SFPQ: variants seen among roughly 807,000 people sequenced by gnomAD.
SFPQ encodes splicing factor proline and glutamine rich, also known as splicing factor, proline- and glutamine-rich.
A neutral mutation model predicts 72.9 loss-of-function variants in SFPQ; 11 were observed. The ratio of observed to expected loss-of-function variants is 0.15; its 90% confidence interval spans 0.09 to 0.25. The LOEUF is 0.25. Ranked by LOEUF, SFPQ falls within the 10% of genes least tolerant of loss-of-function variation. The probability of loss-of-function intolerance (pLI) is 1.00; values close to 1 mark genes in which losing one functional copy is unlikely to be tolerated. For synonymous variants in SFPQ, 506 were observed against 367.3 expected (o/e 1.38, Z -4.32); for missense variants, 847 against 993.3 (o/e 0.85, Z 1.98).
Position 35,183,566 on chromosome 1 carries a change from C to T in SFPQ, c.*890G>A. On this transcript the variant is annotated 3_prime_UTR_variant, in exon 10 of 10. Coordinates refer to ENST00000357214, the MANE Select transcript of SFPQ (RefSeq NM_005066.3). The stretch of plus-strand genomic sequence containing the variant: ...AAGTTTTGTTTTTTAGACTACACCC[C>T]ATCTTTATAAATCACTTGAATACAT... 1 of 1,019,444 alleles carries T rather than the reference C, an allele frequency of 9.8e-7. No individual in the cohort carries two copies. Among genetic ancestry groups the T allele is most frequent in the Non-Finnish European group, 1.2e-6 (1 of 849,922 alleles). 63.1% of individuals were successfully genotyped at this position (1,019,444 alleles called of 1,614,324 possible). A position where few individuals can be genotyped will look rare whatever the true frequency, so the allele number is the denominator to read the frequency against.
chr1:35,189,310 A>C lies in SFPQ; in HGVS notation c.1488T>G (p.Ser496=). ...FEYEYSQRWK[S]LDEMEKQQRE... is the part of the protein sequence containing the mutation. Reference sequence around the variant, plus strand: ...TTTGCTGTTTTTCCATTTCATCCAAAGACTTCCATCGCTGAGAATATTCGT... The same window carrying C: ...TTTGCTGTTTTTCCATTTCATCCAACGACTTCCATCGCTGAGAATATTCGT... The change falls in exon 5 of 10, where the codon TCT becomes TCG. Residue 496 remains serine (S), a synonymous_variant. Transcript: ENST00000357214. 6.2e-7 allele frequency: 1 copy of C among 1,614,074 alleles called. No individual in the cohort carries two copies. Among genetic ancestry groups the C allele is most frequent in the Non-Finnish European group, 8.5e-7 (1 of 1,180,008 alleles).
At chr1:35,182,220 C>G, downstream of SFPQ, 2 of 985,360 alleles carry the variant, frequency 2.0e-6, no homozygotes, top group Non-Finnish European at 2.4e-6. Context: ...ATGGAACACC[C>G]CTTATTTTCT....
rs906009547 is a variant in SFPQ, at chr1:35,183,176, G to C, written c.*1280C>G. On this transcript the variant is annotated 3_prime_UTR_variant, in exon 10 of 10. Coordinates refer to ENST00000357214, the MANE Select transcript of SFPQ (RefSeq NM_005066.3). ...AGAAGTAGCACAAGGAGATGTAAAA[G>C]TTACAGAGTACAAATGTATATATAA... 7.9e-6 allele frequency: 8 copies of C among 1,016,790 alleles called. No homozygotes were observed. In the East Asian group the frequency reaches 3.3e-4, roughly 42 times the overall value. 63.0% of individuals were successfully genotyped at this position (1,016,790 alleles called of 1,614,324 possible).
chr1:35,192,681 G>A lies in SFPQ; in HGVS notation c.369C>T (p.Ser123=). Residue 123 remains serine, a synonymous_variant, in exon 1 of 10, where the codon AGC becomes AGT. Transcript: ENST00000357214. ...GGGCCGAGCTGGAGGCTGGTGGTGC[G>A]CTGCCTACTCCGGGAGCGGGGCCGG... The part of the protein sequence containing the change: ...QGPGPAPGVG[S]APPASSSAPP... 1.4e-6 allele frequency: 2 copies of A among 1,419,354 alleles called. No individual in the cohort carries two copies. The highest frequency in any genetic ancestry group is 3.0e-5 in the Admixed American group (1 of 33,512). 87.9% of individuals were successfully genotyped at this position (1,419,354 alleles called of 1,614,324 possible).
Position 35,187,031 on chromosome 1 carries a change from G to A in SFPQ, c.1956C>T (p.Thr652=). The A allele has an allele frequency of 1.2e-6, 2 of 1,614,028 alleles. No individual in the cohort carries two copies. The highest frequency in any genetic ancestry group is 1.7e-6 in the Non-Finnish European group (2 of 1,179,920). ...CACTTCCCATCATGGAACCACTCAT[G>A]GTTGCTGGTGGAACGCCAGGATTAG... The part of the protein sequence containing the change: ...YEANPGVPPA[T]MSGSMMGSDM... Residue 652 remains threonine, a synonymous_variant, in exon 9 of 10, where the codon ACC becomes ACT. Coordinates refer to ENST00000357214, the MANE Select transcript of SFPQ (RefSeq NM_005066.3).
rs768372213 is a variant in SFPQ at position 35,192,751 on chromosome 1, GGCGGCT to G, written c.293_298del (p.Gln98_Pro99del). ...CTTGGAAGAGTCCTGCGGCGGTGGC[GGCGGCT>G]GCTGCTGCTGATGCGGCTGTGGATG... On this transcript the variant is annotated inframe_deletion, in exon 1 of 10. Coordinates refer to ENST00000357214, the MANE Select transcript of SFPQ (RefSeq NM_005066.3). 6.0e-6 allele frequency: 9 copies of G among 1,494,006 alleles called. No individual in the cohort carries two copies. The African/African-American group carries it at 8.7e-5, about 14-fold the overall frequency. 92.5% of individuals were successfully genotyped at this position (1,494,006 alleles called of 1,614,324 possible). A position where few individuals can be genotyped will look rare whatever the true frequency, so the allele number is the denominator to read the frequency against.
Position 35,192,282 on chromosome 1 carries a change from G to GTGATGC in SFPQ, c.762_767dup (p.Gln254_His255dup). ...CGGGCCCGCCGGGCGGGGGCCCCTG[G>GTGATGC]TGATGCTGCTGGTGGTAGGGCGGGT... On this transcript the variant is annotated inframe_insertion, in exon 1 of 10. Transcript: ENST00000357214. The GTGATGC allele has an allele frequency of 6.8e-7, 1 of 1,463,002 alleles. No individual in the cohort carries two copies. The highest frequency in any genetic ancestry group is 9.0e-7 in the Non-Finnish European group (1 of 1,115,412). 90.6% of individuals were successfully genotyped at this position (1,463,002 alleles called of 1,614,324 possible).
rs1557793518 is a variant in SFPQ at position 35,184,840 on chromosome 1, T to G, written c.1987-247A>C. Reference sequence around the variant, plus strand: ...TGTTTCAAAGAACAGATCTTCCCTGTAGTGCTAAAAAATTTAAGAATTAGT... The same window carrying G: ...TGTTTCAAAGAACAGATCTTCCCTGGAGTGCTAAAAAATTTAAGAATTAGT... On this transcript the variant is annotated intron_variant, in intron 9 of 9. Transcript: ENST00000357214. 2.0e-5 allele frequency among the ~76,000 whole-genome samples: 3 copies of G among 152,232 alleles called. 1 individual carries two copies. The highest frequency in any genetic ancestry group is 4.1e-4 in the South Asian group (2 of 4,830).
Position 35,184,350 on chromosome 1 carries a change from T to A in SFPQ, c.*106A>T. ...TACAAATATTAGGTCAATAAACTGCTAACATCCATAAAAAGATAGCTTTCT... is the reference window on the plus strand; with the variant it reads ...TACAAATATTAGGTCAATAAACTGCAAACATCCATAAAAAGATAGCTTTCT... On this transcript the variant is annotated 3_prime_UTR_variant, in exon 10 of 10. Transcript: ENST00000357214. 1 of 1,553,694 alleles carries A rather than the reference T, an allele frequency of 6.4e-7. No individual in the cohort carries two copies. The highest frequency in any genetic ancestry group is 2.3e-5 in the Admixed American group (1 of 44,342).
downstream of SFPQ, chr1:35,180,429 CGAT>C (rs1196658737): frequency 9.5e-7 from 1 of 1,047,578 alleles, no homozygotes; most frequent in African/African-American, 1.7e-5. Flanking sequence ...ACAGAAACGA[CGAT>C]GTCTTATGAT....
Position 35,192,768 on chromosome 1 carries a change from A to C in SFPQ, c.282T>G (p.His94Gln), listed in dbSNP as rs777508943. The C allele has an allele frequency of 4.7e-6, 7 of 1,500,414 alleles. No individual in the cohort carries two copies. The highest frequency in any genetic ancestry group is 5.3e-5 in the East Asian group (2 of 37,460). The allele number at this position is 1,500,414 out of a possible 1,614,324, so 92.9% of individuals were successfully genotyped here. A position where few individuals can be genotyped will look rare whatever the true frequency, so the allele number is the denominator to read the frequency against. The change falls in exon 1 of 10, where the codon CAT (histidine) becomes CAG (glutamine). Residue 94 changes from histidine to glutamine, a missense_variant. This residue lies in a region of SFPQ where 498 missense variants were observed against 405.1 expected (regional missense o/e 1.23). Coordinates refer to ENST00000357214, the MANE Select transcript of SFPQ (RefSeq NM_005066.3). ...GCGGTGGCGGCGGCTGCTGCTGCTG[A>C]TGCGGCTGTGGATGCGGCGGCGGCT... ...PHQPPPHPQP[H>Q]QQQQPPPPPQ...
chr1:35,184,698 C>A, intron 9 of SFPQ, 105 bp from the exon 10 acceptor site: 1 of 1,399,172 alleles, frequency 7.1e-7, no homozygotes. Flanking sequence ...ATACAATCAC[C>A]AATGAGTCGA....
At chr1:35,188,809 G>A (rs746420112) in intron 6 of SFPQ, among the ~76,000 whole-genome samples, 194 bp downstream of exon 6, 1 of 152,136 alleles carries the variant, frequency 6.6e-6, no homozygotes, top group Non-Finnish European at 1.5e-5. Context: ...AATACAGGAA[G>A]AATTAGCCAG....
chr1:35,184,672 T>C (rs1402807903), intron 9 of SFPQ, 79 bp from the exon 10 acceptor site: 1 of 1,441,344 alleles, frequency 6.9e-7, no homozygotes, highest in African/African-American at 1.5e-5. Context: ...GAAGGTTCCG[T>C]AGTCAACGTT....
chr1:35,190,475 C>T, intron 4 of SFPQ, 23 bp downstream of exon 4: 1 of 1,537,924 alleles, frequency 6.5e-7, no homozygotes, highest in South Asian at 1.2e-5. Context: ...TAAAAACTGC[C>T]AAAAAAGTTT....
intron 4 of SFPQ, among the ~76,000 whole-genome samples, chr1:35,189,777 C>T (rs959842967): frequency 5.9e-5 from 9 of 151,918 alleles, no homozygotes; most frequent in African/African-American, 1.9e-4. Context: ...GATGAAACCC[C>T]GTCTCCACTA....
rs748399931 is a variant in SFPQ at position 35,187,133 on chromosome 1, A to G, written c.1865-11T>C. On this transcript the variant is annotated splice_polypyrimidine_tract_variant and intron_variant, in intron 8 of 9. Transcript: ENST00000357214. ...CTGAACCATAGGGATCTAGAAAACA[A>G]AAATAGTGGTTACAACTCCACCAGG... is the stretch of plus-strand genomic sequence containing the variant. The G allele has an allele frequency of 1.4e-5, 23 of 1,613,880 alleles. No homozygotes were observed. Among genetic ancestry groups the G allele is most frequent in the African/African-American group, 2.7e-5 (2 of 74,882 alleles).
rs913676877 is a variant in SFPQ, at chr1:35,192,213, G to C, written c.828+9C>G. The C allele has an allele frequency of 4.8e-6, 7 of 1,449,940 alleles. No individual in the cohort carries two copies. Among genetic ancestry groups the C allele is most frequent in the African/African-American group, 4.5e-5 (3 of 66,688 alleles). The allele number at this position is 1,449,940 out of a possible 1,614,324, so 89.8% of individuals were successfully genotyped here. ...GGGGAGCCGACGCGTCGCTCCCATA[G>C]ACACTCACCTCCGAGTCCGAGATCT... On this transcript the variant is annotated intron_variant, in intron 1 of 9. Transcript: ENST00000357214.
At chr1:35,188,816 C>G (rs1404216751) in intron 6 of SFPQ, among the ~76,000 whole-genome samples, 187 bp downstream of exon 6, 1 of 152,186 alleles carries the variant, frequency 6.6e-6, no homozygotes, top group Non-Finnish European at 1.5e-5. Context: ...GAAGAATTAG[C>G]CAGGTGTCGT....
Sources: gnomAD v4.1 joint callset for allele counts (sites outside exome capture counted in the v4.1 genomes callset) on GRCh38, gnomAD v4.1.1 for gene constraint, gnomAD v4.1.1 regional missense constraint, MANE v1.5 for transcripts, NCBI Gene and HGNC (gene_info 2026-07-23, HGNC 2026-07-21) for gene names.